KCND2: variants seen among roughly 807,000 people sequenced by gnomAD.
KCND2 encodes the protein potassium voltage-gated channel subfamily D member 2.
Under a neutral mutation model 54.4 loss-of-function variants are expected in KCND2, and 16 were observed. The ratio of observed to expected loss-of-function variants is 0.29; its 90% CI spans 0.20 to 0.45. KCND2 has a LOEUF of 0.45. Ranked by LOEUF, KCND2 falls within the 20% of genes least tolerant of loss-of-function variation. The pLI is 1.00. For synonymous variants in KCND2, 317 were observed against 310.7 expected (o/e 1.02, Z -0.21); for missense variants, 486 against 824.2 (o/e 0.59, Z 5.02).
intron 1 of KCND2, among the ~76,000 whole-genome samples, chr7:120,513,649 G>C (rs935527944): frequency 6.6e-5 from 10 of 152,060 alleles, no homozygotes; most frequent in African/African-American, 2.4e-4. Flanking sequence ...ATTTTAAATA[G>C]TTACAATAGT....
intron 1 of KCND2, among the ~76,000 whole-genome samples, chr7:120,623,560 CTG>C (rs937770890): frequency 3.9e-5 from 6 of 152,184 alleles, no homozygotes; most frequent in African/African-American, 7.2e-5. Flanking sequence ...GGTTCTGAGA[CTG>C]TGCATTTTCA....
intron 1 of KCND2, among the ~76,000 whole-genome samples, chr7:120,473,799 T>C (rs1358018692): frequency 3.9e-5 from 6 of 152,162 alleles, no homozygotes; most frequent in Non-Finnish European, 8.8e-5. Flanking sequence ...ATTCACTATG[T>C]TAGATATTCT....
intron 1 of KCND2, among the ~76,000 whole-genome samples, chr7:120,282,249 G>A (rs1270058300): frequency 6.6e-6 from 1 of 151,990 alleles, no homozygotes; most frequent in Non-Finnish European, 1.5e-5. Flanking sequence ...TCACTAGAAA[G>A]GTGTTCTCTC....
At chr7:120,485,201 T>TA (rs1171798862) in intron 1 of KCND2, among the ~76,000 whole-genome samples, 1 of 152,226 alleles carries the variant, frequency 6.6e-6, no homozygotes, top group Non-Finnish European at 1.5e-5. Context: ...TTTAATGTAA[T>TA]ATTTGCAGCT....
intron 1 of KCND2, among the ~76,000 whole-genome samples, chr7:120,558,561 A>G (rs1224312056): frequency 6.6e-6 from 1 of 152,162 alleles, no homozygotes; most frequent in African/African-American, 2.4e-5. Flanking sequence ...GATCTGTAGG[A>G]TGTATGTGAA....
At chr7:120,494,623 A>G (rs980907539) in intron 1 of KCND2, among the ~76,000 whole-genome samples, 1 of 152,162 alleles carries the variant, frequency 6.6e-6, no homozygotes, top group African/African-American at 2.4e-5. Context: ...AAAAATATTC[A>G]AATTCTCTAT....
At chr7:120,452,092 G>C (rs570057438) in intron 1 of KCND2, among the ~76,000 whole-genome samples, 2 of 152,180 alleles carry the variant, frequency 1.3e-5, no homozygotes, top group Non-Finnish European at 2.9e-5. Flanking sequence ...AGAAATACAA[G>C]TATATAGAAC....
At chr7:120,420,857 G>T (rs774071203) in intron 1 of KCND2, among the ~76,000 whole-genome samples, 1 of 152,108 alleles carries the variant, frequency 6.6e-6, no homozygotes, top group Non-Finnish European at 1.5e-5. Context: ...TCAGAATCCC[G>T]CATTATTAAT....
intron 1 of KCND2, among the ~76,000 whole-genome samples, chr7:120,692,038 G>C (rs1792276444): frequency 6.6e-6 from 1 of 152,166 alleles, no homozygotes; most frequent in Non-Finnish European, 1.5e-5. Context: ...AGCAGTTTTG[G>C]TGAAATCATG....
chr7:120,321,391 C>T (rs73431913), intron 1 of KCND2, among the ~76,000 whole-genome samples: 1,995 of 152,214 alleles, frequency 0.013, 46 homozygotes, highest in African/African-American at 0.043. Flanking sequence ...GCCTCAGCCT[C>T]CCAAAGCTTC....
chr7:120,344,288 A>G (rs1009696384), intron 1 of KCND2, among the ~76,000 whole-genome samples: 4 of 152,192 alleles, frequency 2.6e-5, no homozygotes, highest in African/African-American at 9.6e-5. Flanking sequence ...CCTACTCAGA[A>G]CTGAACCAGA....
At chr7:120,489,556 C>A (rs1466318575) in intron 1 of KCND2, among the ~76,000 whole-genome samples, 1 of 152,126 alleles carries the variant, frequency 6.6e-6, no homozygotes, top group Non-Finnish European at 1.5e-5. Context: ...CTGATGGATC[C>A]TCCAACTTGC....
intron 4 of KCND2, among the ~76,000 whole-genome samples, chr7:120,743,997 C>T (rs973590674): frequency 3.3e-5 from 5 of 152,276 alleles, no homozygotes; most frequent in African/African-American, 7.2e-5. Flanking sequence ...CAGTGGCTCA[C>T]GTCTGTAATC....
intron 1 of KCND2, among the ~76,000 whole-genome samples, chr7:120,405,876 A>G (rs1212796575): frequency 6.6e-6 from 1 of 152,048 alleles, no homozygotes; most frequent in Non-Finnish European, 1.5e-5. Flanking sequence ...GGAAAATTCC[A>G]TATGCTAGTG....
At chr7:120,502,004 T>C (rs1802942927) in intron 1 of KCND2, among the ~76,000 whole-genome samples, 1 of 152,010 alleles carries the variant, frequency 6.6e-6, no homozygotes, top group Non-Finnish European at 1.5e-5. Flanking sequence ...TTTTAACAAG[T>C]TCTTTGAGTC....
At chr7:120,398,717 G>T (rs935158499) in intron 1 of KCND2, among the ~76,000 whole-genome samples, 9 of 152,058 alleles carry the variant, frequency 5.9e-5, no homozygotes, top group Non-Finnish European at 1.3e-4. Flanking sequence ...CTTGAATGTG[G>T]AGTCACCCAC....
At chr7:120,526,491 C>T (rs1791775582) in intron 1 of KCND2, among the ~76,000 whole-genome samples, 1 of 152,022 alleles carries the variant, frequency 6.6e-6, no homozygotes, top group Non-Finnish European at 1.5e-5. Flanking sequence ...TGATTGTACC[C>T]AACAAAAGAC....
intron 1 of KCND2, among the ~76,000 whole-genome samples, chr7:120,400,828 T>C (rs1801241531): frequency 6.6e-6 from 1 of 152,086 alleles, no homozygotes; most frequent in Admixed American, 6.6e-5. Context: ...TTAAAAATAT[T>C]GATATAAATA....
In KCND2 at chr7:120,742,518, G is replaced by A; in HGVS notation, c.1383G>A (p.Glu461=). ...CTTCTCTTTGTTAACAGTCCTCAGA[G>A]GATGAGCAGGCTTTTGTTAGCAAAT... The part of the protein sequence containing the change: ...GLLSNQLQSS[E]DEQAFVSKSG... Residue 461 remains glutamate, a synonymous_variant, in exon 4 of 6, where the codon GAG becomes GAA. Transcript: ENST00000331113. 6.2e-7 allele frequency: 1 copy of A among 1,613,356 alleles called. No individual in the cohort carries two copies. Among genetic ancestry groups the A allele is most frequent in the South Asian group, 1.1e-5 (1 of 91,074 alleles).
Sources: allele counts gnomAD v4.1 joint callset (sites outside exome capture counted in the v4.1 genomes callset), GRCh38; gene constraint gnomAD v4.1.1; transcripts MANE v1.5; gene names NCBI Gene and HGNC (gene_info 2026-07-23, HGNC 2026-07-21).